The following SPTBN1 variants were observed in gnomAD, a reference collection of about 807,000 sequenced individuals.
SPTBN1 encodes spectrin beta, non-erythrocytic 1.
A neutral mutation model predicts 266.4 loss-of-function variants in SPTBN1; 32 were observed. The ratio of observed to expected loss-of-function variants is 0.12; its 90% confidence interval spans 0.09 to 0.16. The LOEUF (loss-of-function observed/expected upper bound fraction) is 0.16, where lower values mean the gene tolerates loss of function less well. Ranked by LOEUF, SPTBN1 falls within the 10% of genes least tolerant of loss-of-function variation. The probability of loss-of-function intolerance (pLI) is 1.00; values close to 1 mark genes in which losing one functional copy is unlikely to be tolerated. For missense variants in SPTBN1, 2,296 were observed against 3,067.1 expected, an observed-to-expected ratio of 0.75 and a Z score of 5.94; for synonymous variants, 1,336 against 1,162.2, an observed-to-expected ratio of 1.15 and a Z score of -3.04.
At chr2:54,647,298 G>T in intron 24 of SPTBN1, 37 bp downstream of exon 24, 3 of 1,607,768 alleles carry the variant, frequency 1.9e-6, no homozygotes, top group Non-Finnish European at 2.5e-6. Flanking sequence ...CCCGGCTCTC[G>T]ATTCCTCTCA....
In SPTBN1 at chr2:54,526,365, C is replaced by A; in HGVS notation, c.-47-7C>A. 1.3e-6 allele frequency: 2 copies of A among 1,598,086 alleles called. No homozygotes were observed. The highest frequency in any genetic ancestry group is 2.2e-5 in the East Asian group (1 of 44,688). On this transcript the variant is annotated splice_polypyrimidine_tract_variant and splice_region_variant and intron_variant, in intron 1 of 35. Coordinates refer to ENST00000356805, the MANE Select transcript of SPTBN1 (RefSeq NM_003128.3). ...CGTCTAAATGTTTTTCCTTTTCTTT[C>A]TCATAGAACTCTAAGAAGGAGCTGA...
chr2:54,635,986 G>C (rs1679100381), intron 17 of SPTBN1, among the ~76,000 whole-genome samples: 1 of 152,114 alleles, frequency 6.6e-6, no homozygotes, highest in Admixed American at 6.5e-5. Flanking sequence ...GATGGCAATG[G>C]CATAAAATGT....
At position 54,621,548 on chromosome 2, in the gene SPTBN1, A is replaced by T. The variant is rs1307374603; in HGVS notation, c.876+36A>T. On this transcript the variant is annotated intron_variant, in intron 8 of 35. Transcript: ENST00000356805. ...GCCAATTTTGTGAGTTGTGAGACAT[A>T]ATTAAGGTTAATTGAGCCCTCATTC... 2.0e-6 allele frequency: 3 copies of T among 1,531,348 alleles called. No homozygotes were observed. In the African/African-American group the frequency reaches 4.1e-5, roughly 21 times the overall value. The allele number at this position is 1,531,348 out of a possible 1,614,324, so 94.9% of individuals were successfully genotyped here. A position where few individuals can be genotyped will look rare whatever the true frequency, so the allele number is the denominator to read the frequency against.
intron 1 of SPTBN1, among the ~76,000 whole-genome samples, chr2:54,476,820 T>C (rs562609103): frequency 6.6e-6 from 1 of 152,356 alleles, no homozygotes; most frequent in South Asian, 2.1e-4. Flanking sequence ...GCAAATCAAA[T>C]TGCAGGCAGT....
chr2:54,542,797 A>G (rs548216106), intron 2 of SPTBN1, among the ~76,000 whole-genome samples: 158 of 152,262 alleles, frequency 1.0e-3, no homozygotes, highest in Non-Finnish European at 1.4e-3. Flanking sequence ...TGGGAAAGGG[A>G]AGAGGAAGGA....
Position 54,642,997 on chromosome 2 carries a change from C to T in SPTBN1, c.3873C>T (p.Ile1291=), listed in dbSNP as rs753964533. 1 of 1,613,430 alleles carries T rather than the reference C, an allele frequency of 6.2e-7. No homozygotes were observed. The highest frequency in any genetic ancestry group is 8.5e-7 in the Non-Finnish European group (1 of 1,179,592). The change falls in exon 19 of 36, where the codon ATC becomes ATT. Residue 1291 remains isoleucine (I), a synonymous_variant. Coordinates refer to ENST00000356805, the MANE Select transcript of SPTBN1 (RefSeq NM_003128.3). ...TCTTTCTGTAGCTGTCTCTCTGGAT[C>T]AATGAGAAGATGCTCACAGCCCAGG... ...LQDCQELSLW[I]NEKMLTAQDM...
At chr2:54,521,397 C>A (rs1377215182) in intron 1 of SPTBN1, among the ~76,000 whole-genome samples, 1 of 152,216 alleles carries the variant, frequency 6.6e-6, no homozygotes, top group East Asian at 1.9e-4. Context: ...TGTAAATACT[C>A]AGCTTTCTTT....
intron 2 of SPTBN1, chr2:54,529,552 C>T (rs1241477589): frequency 5.6e-6 from 4 of 714,166 alleles, no homozygotes; most frequent in African/African-American, 3.5e-5. Context: ...CCAGGAGAAA[C>T]AAGCTTGACC....
chr2:54,621,640 G>A, intron 8 of SPTBN1, 128 bp downstream of exon 8: 1 of 648,730 alleles, frequency 1.5e-6, no homozygotes. Context: ...AGGGAAATCG[G>A]CAGAAGCCTC....
intron 32 of SPTBN1, chr2:54,661,279 G>C: frequency 1.0e-6 from 1 of 985,782 alleles, no homozygotes; most frequent in Non-Finnish European, 1.2e-6. Context: ...TCCTTGTACC[G>C]ATAAAAACAA....
chr2:54,621,661 A>AGGG, intron 8 of SPTBN1, 149 bp downstream of exon 8: 1 of 608,540 alleles, frequency 1.6e-6, no homozygotes, highest in Non-Finnish European at 3.0e-6. Flanking sequence ...TTCATCCTGA[A>AGGG]GGGTAACAAG....
chr2:54,633,425 G>A (rs1678894588), intron 17 of SPTBN1, among the ~76,000 whole-genome samples: 1 of 141,134 alleles, frequency 7.1e-6, no homozygotes, highest in Non-Finnish European at 1.6e-5. Flanking sequence ...GTGTGTGTGT[G>A]CGTGTGTGTG....
chr2:54,668,721 TG>T lies in SPTBN1; in HGVS notation c.*157del. 1 of 441,820 alleles carries T rather than the reference TG, an allele frequency of 2.3e-6. No individual in the cohort carries two copies. 27.4% of individuals were successfully genotyped at this position (441,820 alleles called of 1,614,324 possible). Reference sequence around the variant, plus strand: ...AATTTATAGAGCATTTCGGGGGGGGTGGGGGAAACACACCTAAACACTTTAT... The same window carrying T: ...AATTTATAGAGCATTTCGGGGGGGGTGGGGAAACACACCTAAACACTTTAT... On this transcript the variant is annotated 3_prime_UTR_variant, in exon 36 of 36. Coordinates refer to ENST00000356805, the MANE Select transcript of SPTBN1 (RefSeq NM_003128.3).
At chr2:54,663,812 C>G (rs1445190387) in intron 32 of SPTBN1, 1 of 152,230 alleles carries the variant, frequency 6.6e-6, no homozygotes, top group Non-Finnish European at 1.5e-5. Flanking sequence ...GTTGACTTGC[C>G]TCATTTCCTT....
intron 1 of SPTBN1, among the ~76,000 whole-genome samples, chr2:54,461,884 A>C (rs537746783): frequency 2.0e-5 from 3 of 152,082 alleles, no homozygotes; most frequent in Non-Finnish European, 4.4e-5. Flanking sequence ...ATTTCTTTTG[A>C]TGATCGGTTA....
chr2:54,633,899 A>G (rs1411809138), intron 17 of SPTBN1, among the ~76,000 whole-genome samples: 4 of 152,050 alleles, frequency 2.6e-5, no homozygotes, highest in Admixed American at 6.5e-5. Flanking sequence ...AGGCTGAACT[A>G]TATGTTCTAG....
rs758988607 is a variant in SPTBN1, at chr2:54,626,162, C to T, written c.1572C>T (p.Leu524=). The T allele has an allele frequency of 3.5e-5, 57 of 1,613,964 alleles. No individual in the cohort carries two copies. Among genetic ancestry groups the T allele is most frequent in the Admixed American group, 2.7e-4 (16 of 59,998 alleles). ...TGCTCAGGGCCCGGAGACAGCGGCT[C>T]GAGATGAACCTGGGGCTGCAGAAGA... ...LELLRARRQR[L]EMNLGLQKIF... Residue 524 remains leucine (L), a synonymous_variant, in exon 12 of 36, where the codon CTC becomes CTT. Transcript: ENST00000356805. The surrounding 1 kb of genome is among the most constrained non-coding windows in gnomAD (Gnocchi z 4.7).
chr2:54,653,809 G>C lies in SPTBN1; in HGVS notation c.5778G>C (p.Trp1926Cys), dbSNP rs757581941. ...GCATGGTGCGCGACCTCATGCTCTG[G>C]ATGGAGGATGTCATCCGGCAGATCG... is the stretch of plus-strand genomic sequence containing the variant. Reference protein sequence around the residue: ...FFSMVRDLMLWMEDVIRQIEA... With the variant: ...FFSMVRDLMLCMEDVIRQIEA... The change falls in exon 27 of 36, where the codon TGG becomes TGC. Residue 1926 changes from tryptophan (W) to cysteine (C), a missense_variant. Trp to Cys is a radical substitution (Grantham distance 215). Transcript: ENST00000356805. The surrounding 1 kb of genome is among the most constrained non-coding windows in gnomAD (Gnocchi z 5.1). 1.9e-6 allele frequency: 3 copies of C among 1,613,946 alleles called. No homozygotes were observed. The highest frequency in any genetic ancestry group is 2.5e-6 in the Non-Finnish European group (3 of 1,179,958).
chr2:54,662,136 G>A, intron 32 of SPTBN1: 1 of 985,328 alleles, frequency 1.0e-6, no homozygotes, highest in Non-Finnish European at 1.2e-6. Context: ...AAGCACTCTG[G>A]ACTAATCGCT....
Sources: allele counts gnomAD v4.1 joint callset (sites outside exome capture counted in the v4.1 genomes callset), GRCh38; gene constraint gnomAD v4.1.1; non-coding constraint Gnocchi (gnomAD v3.1); transcripts MANE v1.5; gene names NCBI Gene and HGNC (gene_info 2026-07-23, HGNC 2026-07-21).